VAMP4: variants seen among roughly 807,000 people sequenced by gnomAD.
VAMP4 encodes vesicle associated membrane protein 4.
Under a neutral mutation model 23.5 loss-of-function variants are expected in VAMP4, and 19 were observed. That is an observed-to-expected ratio of 0.81 (90% CI 0.56 to 1.19). The LOEUF (loss-of-function observed/expected upper bound fraction) is 1.19. Ranked by LOEUF, VAMP4 falls within the 50% of genes most tolerant of loss-of-function variation. VAMP4 has a pLI of 0.00. For synonymous variants in VAMP4, 31 were observed against 51.0 expected (o/e 0.61, Z 1.67); for missense variants, 145 against 168.6 (o/e 0.86, Z 0.78).
intron 2 of VAMP4, among the ~76,000 whole-genome samples, chr1:171,733,256 G>A (rs1038204198): frequency 1.5e-4 from 18 of 118,310 alleles, no homozygotes; most frequent in African/African-American, 5.4e-4. Context: ...CCCGGAGTTC[G>A]AAACCAGCCT....
At chr1:171,719,296 T>C in intron 3 of VAMP4, 75 bp from the exon 4 acceptor site, 2 of 1,265,650 alleles carry the variant, frequency 1.6e-6, no homozygotes, top group South Asian at 1.4e-5. Context: ...ATAGAAAGTA[T>C]ACACAAATAC....
In VAMP4 at chr1:171,711,940, A is replaced by T. The variant is rs77640583; in HGVS notation, c.165-1126T>A. Among the ~76,000 whole-genome samples the T allele has an allele frequency of 4.2e-3, 644 of 152,216 alleles. 6 individuals are homozygous for T. Among genetic ancestry groups the T allele is most frequent in the African/African-American group, 0.015 (621 of 41,556 alleles). On this transcript the variant is annotated intron_variant, in intron 4 of 7. Coordinates refer to ENST00000236192, the MANE Select transcript of VAMP4 (RefSeq NM_003762.5). ...ATGTTTAGACATACAGATATTTACC[A>T]TTGTGTTATAATTACCTACAGTATT...
At chr1:171,724,745 A>C (rs1219241551) in intron 3 of VAMP4, among the ~76,000 whole-genome samples, 1 of 152,138 alleles carries the variant, frequency 6.6e-6, no homozygotes, top group Non-Finnish European at 1.5e-5. Flanking sequence ...AAATGCTTAG[A>C]GCCTCCAATA....
intron 1 of VAMP4, among the ~76,000 whole-genome samples, chr1:171,740,796 G>C (rs1655899283): frequency 6.6e-6 from 1 of 152,154 alleles, no homozygotes; most frequent in Non-Finnish European, 1.5e-5. Context: ...GCCTTTATAA[G>C]ACATACAGTA....
intron 3 of VAMP4, among the ~76,000 whole-genome samples, chr1:171,723,715 G>A (rs1019298981): frequency 6.6e-6 from 1 of 152,140 alleles, no homozygotes; most frequent in Non-Finnish European, 1.5e-5. Flanking sequence ...GTCCTGAGGC[G>A]ACATACATCC....
intron 2 of VAMP4, 77 bp downstream of exon 2, chr1:171,738,272 T>A: frequency 6.4e-7 from 1 of 1,561,448 alleles, no homozygotes; most frequent in East Asian, 2.3e-5. Context: ...CCGGATGGTT[T>A]TTCTTCTATT....
intron 3 of VAMP4, among the ~76,000 whole-genome samples, chr1:171,724,575 C>T (rs1031391366): frequency 4.6e-5 from 7 of 151,966 alleles, no homozygotes; most frequent in Non-Finnish European, 8.8e-5. Flanking sequence ...AAATTAAGTA[C>T]CCAAATAAAT....
intron 1 of VAMP4, among the ~76,000 whole-genome samples, chr1:171,740,500 A>G (rs755221422): frequency 6.6e-6 from 1 of 152,222 alleles, no homozygotes; most frequent in Non-Finnish European, 1.5e-5. Context: ...CAAATCAGAA[A>G]TTATTCACTT....
intron 6 of VAMP4, among the ~76,000 whole-genome samples, chr1:171,707,476 G>A (rs530343814): frequency 9.2e-5 from 14 of 152,080 alleles, no homozygotes; most frequent in African/African-American, 3.4e-4. Flanking sequence ...GGCAACTCCT[G>A]ATCTGCGTTC....
At chr1:171,737,686 G>A (rs137886126) in intron 2 of VAMP4, among the ~76,000 whole-genome samples, 64 of 152,146 alleles carry the variant, frequency 4.2e-4, no homozygotes, top group African/African-American at 1.5e-3. Flanking sequence ...AATATTTTTG[G>A]AGGCACTGGT....
chr1:171,723,647 A>G (rs570152612), intron 3 of VAMP4, among the ~76,000 whole-genome samples: 2 of 152,282 alleles, frequency 1.3e-5, no homozygotes, highest in Non-Finnish European at 2.9e-5. Flanking sequence ...CAGATTTCAT[A>G]TTGTTTAAAC....
At chr1:171,719,763 A>G (rs1291378246) in intron 3 of VAMP4, among the ~76,000 whole-genome samples, 2 of 152,032 alleles carry the variant, frequency 1.3e-5, no homozygotes, top group East Asian at 3.8e-4. Context: ...AGCAAAAGGG[A>G]AATGCAAGAT....
intron 3 of VAMP4, 139 bp from the exon 4 acceptor site, chr1:171,719,360 C>T (rs1655118449): frequency 6.5e-6 from 4 of 611,804 alleles, no homozygotes; most frequent in African/African-American, 3.8e-5. Context: ...TAAGGGACCA[C>T]ATTTTACTGA....
intron 6 of VAMP4, 138 bp from the exon 7 acceptor site, chr1:171,706,556 G>T: frequency 4.4e-6 from 3 of 687,482 alleles, no homozygotes; most frequent in Non-Finnish European, 6.7e-6. Flanking sequence ...GACACAGAAT[G>T]CTCTTAGGCA....
At position 171,736,178 on chromosome 1, in the gene VAMP4, C is replaced by T. The variant is rs147010320; in HGVS notation, c.66+2171G>A. Among the ~76,000 whole-genome samples the T allele has an allele frequency of 2.5e-3, 374 of 152,256 alleles. 3 individuals are homozygous for T. Among genetic ancestry groups the T allele is most frequent in the African/African-American group, 8.5e-3 (355 of 41,548 alleles). ...CTGGGATTACAGGCGCGAGCCACCA[C>T]GCCTGGCCAAGACATGCTTTTGATA... On this transcript the variant is annotated intron_variant, in intron 2 of 7. Coordinates refer to ENST00000236192, the MANE Select transcript of VAMP4 (RefSeq NM_003762.5).
chr1:171,719,709 ATT>A (rs1655127543), intron 3 of VAMP4, among the ~76,000 whole-genome samples: 1 of 152,066 alleles, frequency 6.6e-6, no homozygotes, highest in African/African-American at 2.4e-5. Flanking sequence ...GACACTAACA[ATT>A]TTAAGTATGT....
At chr1:171,732,901 T>G (rs1344894038) in intron 2 of VAMP4, among the ~76,000 whole-genome samples, 2 of 152,006 alleles carry the variant, frequency 1.3e-5, no homozygotes, top group African/African-American at 4.8e-5. Flanking sequence ...GGAAAAAACA[T>G]CTGCAGTATC....
At chr1:171,730,060 G>T (rs951185994) in intron 2 of VAMP4, among the ~76,000 whole-genome samples, 6 of 152,130 alleles carry the variant, frequency 3.9e-5, no homozygotes, top group African/African-American at 1.4e-4. Context: ...TAGGAGCTAG[G>T]AAAAGCAAGA....
chr1:171,726,401 T>C (rs908142494), intron 3 of VAMP4, among the ~76,000 whole-genome samples: 1 of 152,194 alleles, frequency 6.6e-6, no homozygotes, highest in Admixed American at 6.5e-5. Flanking sequence ...CTCAGGCATA[T>C]AACCTTCTAC....
Sources: allele counts gnomAD v4.1 joint callset (sites outside exome capture counted in the v4.1 genomes callset), GRCh38; gene constraint gnomAD v4.1.1; transcripts MANE v1.5; gene names NCBI Gene and HGNC (gene_info 2026-07-23, HGNC 2026-07-21).